Variants in LNX1 observed in about 807,000 individuals in gnomAD.
LNX1 encodes the protein E3 ubiquitin-protein ligase LNX.
A neutral mutation model predicts 68.4 loss-of-function variants in LNX1; 54 were observed. The observed-to-expected ratio is 0.79, with a 90% CI of 0.63 to 0.99. The LOEUF (loss-of-function observed/expected upper bound fraction) is 0.99, where lower values mean the gene tolerates loss of function less well. Ranked by LOEUF, LNX1 falls within the 50% of genes least tolerant of loss-of-function variation. The pLI is 0.00. For synonymous variants in LNX1, 336 were observed against 350.0 expected (o/e 0.96, Z 0.45); for missense variants, 906 against 926.4 (o/e 0.98, Z 0.29).
chr4:53,538,646 T>C (rs1728544819), intron 2 of LNX1, among the ~76,000 whole-genome samples: 1 of 152,200 alleles, frequency 6.6e-6, no homozygotes, highest in Admixed American at 6.5e-5. Context: ...CTCTTCCCCA[T>C]GTAGCCTGAG....
Position 53,587,175 on chromosome 4 carries a change from C to T in LNX1, c.-87+4213G>A, listed in dbSNP as rs1240896058. 2.6e-5 allele frequency among the ~76,000 whole-genome samples: 4 copies of T among 152,178 alleles called. No homozygotes were observed. The South Asian group carries it at 6.2e-4, about 24-fold the overall frequency. ...TGATCTGAAGTGTGTATCTGTGTAA[C>T]TAACCAAATAGGTCACTGTGGTGTC... On this transcript the variant is annotated intron_variant, in intron 1 of 10. Transcript: ENST00000263925.
chr4:53,480,187 T>A (rs193225437), intron 7 of LNX1, among the ~76,000 whole-genome samples: 90 of 152,376 alleles, frequency 5.9e-4, no homozygotes, highest in Middle Eastern at 3.4e-3. Context: ...TCAGTTTTTT[T>A]AAATATGTTA....
chr4:53,510,973 G>T (rs1212751), intron 2 of LNX1, among the ~76,000 whole-genome samples: 3 of 152,178 alleles, frequency 2.0e-5, no homozygotes, highest in Admixed American at 2.0e-4. Context: ...ATGCCATTAA[G>T]AAACCATTGC....
chr4:53,562,457 C>T (rs1350166733), intron 2 of LNX1, among the ~76,000 whole-genome samples: 1 of 152,196 alleles, frequency 6.6e-6, no homozygotes, highest in Non-Finnish European at 1.5e-5. Context: ...CATAAAAGAG[C>T]TCTCTAGTCT....
intron 1 of LNX1, among the ~76,000 whole-genome samples, chr4:53,651,466 T>C (rs1384721346): frequency 6.6e-6 from 1 of 152,262 alleles, no homozygotes; most frequent in South Asian, 2.1e-4. Context: ...TGGTATATTG[T>C]ACAGGATACT....
At chr4:53,650,499 T>G (rs1386227192) in intron 1 of LNX1, among the ~76,000 whole-genome samples, 4 of 152,042 alleles carry the variant, frequency 2.6e-5, no homozygotes, top group Admixed American at 1.3e-4. Context: ...GAGTTACAAA[T>G]GTGGAAAGGG....
intron 5 of LNX1, among the ~76,000 whole-genome samples, chr4:53,497,188 G>T (rs1360571614): frequency 2.0e-5 from 3 of 152,170 alleles, no homozygotes; most frequent in Non-Finnish European, 4.4e-5. Flanking sequence ...GATGTGTAGG[G>T]CTGATACTGC....
At chr4:53,481,681 C>A in intron 7 of LNX1, 39 bp downstream of exon 7, 1 of 1,595,564 alleles carries the variant, frequency 6.3e-7, no homozygotes, top group Admixed American at 1.7e-5. Flanking sequence ...CAAGAAATAG[C>A]CCCTTGCAGG....
intron 9 of LNX1, among the ~76,000 whole-genome samples, chr4:53,474,191 C>CATGAT (rs1189223208): frequency 3.3e-5 from 5 of 152,190 alleles, no homozygotes; most frequent in African/African-American, 1.2e-4. Context: ...CAGTGCCTAT[C>CATGAT]ATGATACCCA....
At chr4:53,461,723 C>T in intron 9 of LNX1, 130 bp from the exon 10 acceptor site, 1 of 603,280 alleles carries the variant, frequency 1.7e-6, no homozygotes, top group Non-Finnish European at 2.8e-6. Flanking sequence ...AGGTCCCACT[C>T]AAAATTGTAT....
chr4:53,577,713 C>T (rs1034322861), intron 1 of LNX1, among the ~76,000 whole-genome samples: 2 of 152,080 alleles, frequency 1.3e-5, no homozygotes, highest in African/African-American at 4.8e-5. Context: ...CCACACCCCG[C>T]CTGCCATTAT....
chr4:53,600,660 G>A (rs922836300), intron 2 of LNX1, among the ~76,000 whole-genome samples: 8 of 152,100 alleles, frequency 5.3e-5, no homozygotes, highest in African/African-American at 1.4e-4. Context: ...ACGAGCATGT[G>A]AAGACACCCC....
chr4:53,632,896 T>C (rs560456173), intron 1 of LNX1, among the ~76,000 whole-genome samples: 2 of 152,202 alleles, frequency 1.3e-5, no homozygotes, highest in Admixed American at 6.5e-5. Flanking sequence ...TCTTTCTTAC[T>C]CCCCTCCTCC....
intron 2 of LNX1, 194 bp from the exon 3 acceptor site, chr4:53,508,421 A>G: frequency 1.6e-6 from 1 of 627,158 alleles, no homozygotes. Context: ...AAGTGAATTC[A>G]TAATTTGAGA....
intron 9 of LNX1, among the ~76,000 whole-genome samples, chr4:53,465,683 A>G (rs1164897903): frequency 6.6e-6 from 1 of 152,234 alleles, no homozygotes; most frequent in Non-Finnish European, 1.5e-5. Flanking sequence ...AAAAATTCTG[A>G]TACATGTTTA....
intron 2 of LNX1, among the ~76,000 whole-genome samples, chr4:53,540,948 C>T (rs577970574): frequency 8.6e-5 from 13 of 151,814 alleles, no homozygotes; most frequent in Non-Finnish European, 1.9e-4. Context: ...ACTAGCCTGG[C>T]CAACATGGTG....
At chr4:53,628,098 C>T (rs1734141875) in intron 1 of LNX1, among the ~76,000 whole-genome samples, 1 of 152,156 alleles carries the variant, frequency 6.6e-6, no homozygotes, top group Admixed American at 6.5e-5. Flanking sequence ...CCACTAAACA[C>T]CAAATCATCT....
chr4:53,621,332 G>A (rs1288554591), upstream of LNX1, among the ~76,000 whole-genome samples: 4 of 152,078 alleles, frequency 2.6e-5, no homozygotes, highest in Admixed American at 1.3e-4. Flanking sequence ...GTCCCTTTTC[G>A]GCATCACGCT....
At chr4:53,603,511 G>C (rs1373384515) in intron 2 of LNX1, 1 of 152,172 alleles carries the variant, frequency 6.6e-6, no homozygotes, top group Non-Finnish European at 1.5e-5. Flanking sequence ...TAATAAAAGA[G>C]GTTTAATTGC....
Sources: allele counts gnomAD v4.1 joint callset (sites outside exome capture counted in the v4.1 genomes callset), GRCh38; gene constraint gnomAD v4.1.1; transcripts MANE v1.5; gene names NCBI Gene and HGNC (gene_info 2026-07-23, HGNC 2026-07-21).